The following NAALADL2 variants were observed in gnomAD, a reference collection of about 807,000 sequenced individuals.
NAALADL2 encodes N-acetylated alpha-linked acidic dipeptidase like 2.
In NAALADL2, 76 loss-of-function variants were observed where a neutral mutation model predicts 87.2. That is an observed-to-expected ratio of 0.87 (90% confidence interval 0.72 to 1.05). The LOEUF is 1.05. Ranked by LOEUF, NAALADL2 falls within the 50% of genes least tolerant of loss-of-function variation. The probability of loss-of-function intolerance (pLI) is 0.00; values close to 1 mark genes in which losing one functional copy is unlikely to be tolerated. For missense variants in NAALADL2, 1,089 were observed against 945.8 expected (o/e 1.15, Z -1.99); for synonymous variants, 354 against 331.0 (o/e 1.07, Z -0.75).
chr3:175,503,236 A>G (rs12494454), intron 9 of NAALADL2, among the ~76,000 whole-genome samples: 16,886 of 152,094 alleles, frequency 0.11, 1,108 homozygotes, highest in East Asian at 0.24. Flanking sequence ...AGCTCCATCC[A>G]TGTTGCTGCA....
intron 10 of NAALADL2, among the ~76,000 whole-genome samples, chr3:175,583,570 A>G (rs1005948103): frequency 6.6e-6 from 1 of 152,110 alleles, no homozygotes; most frequent in Non-Finnish European, 1.5e-5. Context: ...ATCTGGATGC[A>G]TTCTGAAATC....
At chr3:175,341,540 G>T (rs940582799) in intron 5 of NAALADL2, among the ~76,000 whole-genome samples, 8 of 152,060 alleles carry the variant, frequency 5.3e-5, no homozygotes, top group Admixed American at 5.2e-4. Context: ...GAATTGCTGG[G>T]TCATGTGGTA....
chr3:175,566,701 T>C (rs1210545782), intron 9 of NAALADL2, among the ~76,000 whole-genome samples: 1 of 152,172 alleles, frequency 6.6e-6, no homozygotes, highest in African/African-American at 2.4e-5. Flanking sequence ...GTCTTTTATG[T>C]ATAAAGGCAT....
At chr3:174,782,615 C>T (rs1278816429) in intron 3 of NAALADL2, among the ~76,000 whole-genome samples, 8 of 151,840 alleles carry the variant, frequency 5.3e-5, no homozygotes, top group Non-Finnish European at 1.0e-4. Context: ...AAGAAATACC[C>T]GAGACTGCGT....
At chr3:174,816,398 G>GTGTA (rs529706185) in intron 3 of NAALADL2, among the ~76,000 whole-genome samples, 2,081 of 110,394 alleles carry the variant, frequency 0.019, 43 homozygotes, top group African/African-American at 0.083. Context: ...GTGTGTGTGT[G>GTGTA]TGTGTATGTG....
intron 11 of NAALADL2, among the ~76,000 whole-genome samples, chr3:175,722,891 C>T (rs967693823): frequency 6.6e-6 from 1 of 152,124 alleles, no homozygotes; most frequent in Non-Finnish European, 1.5e-5. Context: ...GTGCTAATTT[C>T]CTTGAAAAGA....
intron 4 of NAALADL2, among the ~76,000 whole-genome samples, chr3:175,269,903 A>G (rs1242100582): frequency 1.3e-5 from 2 of 152,300 alleles, no homozygotes; most frequent in Non-Finnish European, 2.9e-5. Context: ...TTACTTTCAC[A>G]TGGTTCAGAA....
chr3:174,831,164 G>C (rs1348841745), intron 3 of NAALADL2, among the ~76,000 whole-genome samples: 2 of 152,036 alleles, frequency 1.3e-5, no homozygotes, highest in Non-Finnish European at 2.9e-5. Flanking sequence ...AGTGGTGAGA[G>C]AGGGCATCCT....
intron 9 of NAALADL2, among the ~76,000 whole-genome samples, chr3:175,549,516 CT>C (rs1187395508): frequency 1.3e-5 from 2 of 151,870 alleles, no homozygotes; most frequent in Admixed American, 1.3e-4. Context: ...TAGTAGTGAA[CT>C]CTTATCATGG....
chr3:175,807,430 G>GCCAAAAATGTTCTCAT lies in NAALADL2; in HGVS notation c.*4228_*4243dup, dbSNP rs1249462180. 2 of 151,814 alleles carry GCCAAAAATGTTCTCAT rather than the reference G, an allele frequency of 1.3e-5. No homozygotes were observed. Among genetic ancestry groups the GCCAAAAATGTTCTCAT allele is most frequent in the African/African-American group, 4.8e-5 (2 of 41,382 alleles). 9.4% of individuals were successfully genotyped at this position (151,814 alleles called of 1,614,324 possible). On this transcript the variant is annotated 3_prime_UTR_variant, in exon 14 of 14. Coordinates refer to ENST00000454872, the MANE Select transcript of NAALADL2 (RefSeq NM_207015.3). ...TTTGTATGATAAATTGGTAGACCTA[G>GCCAAAAATGTTCTCAT]CCAAAAATGTTCTCATGAGACATTC... is the stretch of plus-strand genomic sequence containing the variant.
rs572692762 is a variant in NAALADL2 at position 175,740,497 on chromosome 3, G to A, written c.1990+3098G>A. 3.3e-5 allele frequency among the ~76,000 whole-genome samples: 5 copies of A among 152,262 alleles called. No homozygotes were observed. The South Asian group carries it at 1.0e-3, about 32-fold the overall frequency. On this transcript the variant is annotated intron_variant, in intron 12 of 13. Coordinates refer to ENST00000454872, the MANE Select transcript of NAALADL2 (RefSeq NM_207015.3). ...AGTTAGGCATTCCTAGTCTCTCGAT[G>A]TTTATGGTTAAAGGAACAGATTGAT...
intron 8 of NAALADL2, among the ~76,000 whole-genome samples, chr3:175,468,695 T>C (rs1051308500): frequency 6.6e-6 from 1 of 152,080 alleles, no homozygotes; most frequent in African/African-American, 2.4e-5. Flanking sequence ...ATTTCTGAAC[T>C]ATGTTTTAGA....
chr3:174,642,593 G>A lies in NAALADL2; in HGVS notation c.-115+91956G>A, dbSNP rs191733356. Among the ~76,000 whole-genome samples, 535 of 150,920 alleles carry A rather than the reference G, an allele frequency of 3.5e-3. 1 individual carries two copies. The highest frequency in any genetic ancestry group is 0.01 in the Middle Eastern group (3 of 288). On this transcript the variant is annotated intron_variant, in intron 2 of 3. Transcript: ENST00000434257. ...TCTAAATCAGGATTACCTGCACAGT[G>A]TACACTACTAGCTCCTTGTGTTTCC...
intron 10 of NAALADL2, among the ~76,000 whole-genome samples, chr3:175,578,727 A>G (rs544187193): frequency 1.3e-5 from 2 of 152,330 alleles, no homozygotes; most frequent in South Asian, 2.1e-4. Context: ...AAAGACTGCA[A>G]ATTGGAAGCC....
intron 2 of NAALADL2, among the ~76,000 whole-genome samples, chr3:175,182,241 G>A (rs1736671905): frequency 6.6e-6 from 1 of 151,926 alleles, no homozygotes; most frequent in Non-Finnish European, 1.5e-5. Context: ...TTTAAGTTAT[G>A]CTATTTGTTT....
chr3:175,454,167 T>A (rs1184827735), intron 6 of NAALADL2, among the ~76,000 whole-genome samples: 3 of 152,110 alleles, frequency 2.0e-5, no homozygotes, highest in Admixed American at 6.6e-5. Flanking sequence ...GTCCCTTTCA[T>A]TTAATGTGAT....
At chr3:175,721,134 C>T (rs899817285) in intron 11 of NAALADL2, among the ~76,000 whole-genome samples, 43 of 152,034 alleles carry the variant, frequency 2.8e-4, no homozygotes, top group Admixed American at 2.4e-3. Flanking sequence ...AGTTCATAGT[C>T]GTGAGGTGGG....
intron 9 of NAALADL2, among the ~76,000 whole-genome samples, chr3:175,574,058 A>G (rs796248509): frequency 1.8e-4 from 28 of 152,340 alleles, no homozygotes; most frequent in African/African-American, 6.5e-4. Flanking sequence ...TAGGTCTTCA[A>G]AGAAACTAGA....
intron 3 of NAALADL2, among the ~76,000 whole-genome samples, chr3:174,776,001 A>G (rs750296175): frequency 6.6e-6 from 1 of 152,110 alleles, no homozygotes; most frequent in African/African-American, 2.4e-5. Flanking sequence ...ACTATTGCAT[A>G]TTTATTTGTT....
Sources: allele counts gnomAD v4.1 joint callset (sites outside exome capture counted in the v4.1 genomes callset), GRCh38; gene constraint gnomAD v4.1.1; transcripts MANE v1.5; gene names NCBI Gene and HGNC (gene_info 2026-07-23, HGNC 2026-07-21).